Variants in PDGFA observed in about 807,000 individuals in gnomAD.
The protein encoded by PDGFA is platelet-derived growth factor subunit A.
A neutral mutation model predicts 25.6 loss-of-function variants in PDGFA; 9 were observed. The ratio of observed to expected loss-of-function variants is 0.35; its 90% confidence interval spans 0.21 to 0.61. PDGFA has a LOEUF of 0.61. PDGFA is among the 20% of genes least tolerant of loss of function. PDGFA has a pLI of 0.75. For missense variants in PDGFA, 242 were observed against 272.8 expected, an observed-to-expected ratio of 0.89 and a Z score of 0.79; for synonymous variants, 133 against 111.8, an observed-to-expected ratio of 1.19 and a Z score of -1.20.
chr7:516,321 C>A (rs1022446368), intron 2 of PDGFA, among the ~76,000 whole-genome samples: 1 of 151,732 alleles, frequency 6.6e-6, no homozygotes, highest in Admixed American at 6.6e-5. Flanking sequence ...ATAGTTCAGG[C>A]CTCTCCACCA....
At chr7:519,979 C>T, upstream of PDGFA, 1 of 324,654 alleles carries the variant, frequency 3.1e-6, no homozygotes, top group Non-Finnish European at 6.0e-6. Context: ...GCTCGGGGTT[C>T]GTGCGGACCC....
At position 500,998 on chromosome 7, in the gene PDGFA, AGC is replaced by A; in HGVS notation, c.580+116_580+117del. 6.2e-7 allele frequency: 1 copy of A among 1,604,488 alleles called. No individual in the cohort carries two copies. The highest frequency in any genetic ancestry group is 8.5e-7 in the Non-Finnish European group (1 of 1,179,178). ...GGAGCAGGGCAACGAATCCTTCAAC[AGC>A]AGCCCAGATGCTCACAGCAGTAAGC... is the stretch of plus-strand genomic sequence containing the variant. On this transcript the variant is annotated intron_variant, in intron 5 of 5. Coordinates refer to ENST00000402802, the Ensembl canonical transcript of PDGFA. This position sits in a 1 kb window ranked among gnomAD's most constrained non-coding sequence, Gnocchi z 5.0.
chr7:513,103 A>G (rs1209855083), intron 2 of PDGFA: 1 of 159,700 alleles, frequency 6.3e-6, no homozygotes, highest in African/African-American at 2.4e-5. Context: ...GCAGGAGGGC[A>G]CGTGGCCTCT....
At chr7:508,694 G>A (rs1227533407) in intron 4 of PDGFA, among the ~76,000 whole-genome samples, 1 of 151,860 alleles carries the variant, frequency 6.6e-6, no homozygotes, top group Admixed American at 6.6e-5. Flanking sequence ...GGTCCTGCAG[G>A]TCAGGTGGGA....
chr7:500,877 T>A lies in PDGFA; in HGVS notation c.580+239A>T, dbSNP rs749313581. On this transcript the variant is annotated intron_variant, in intron 5 of 5. Transcript: ENST00000402802. This position sits in a 1 kb window ranked among gnomAD's most constrained non-coding sequence, Gnocchi z 5.0. The stretch of plus-strand genomic sequence containing the variant: ...ACTCCCAGCCCCTCTCAGTGAGACC[T>A]GAATCTCCTCTCCTGCCAGTGCCGC... 23 of 1,564,598 alleles carry A rather than the reference T, an allele frequency of 1.5e-5. No individual in the cohort carries two copies. The South Asian group carries it at 2.6e-4, about 18-fold the overall frequency.
chr7:511,817 C>A (rs1389308051), intron 3 of PDGFA, among the ~76,000 whole-genome samples: 1 of 152,086 alleles, frequency 6.6e-6, no homozygotes, highest in Non-Finnish European at 1.5e-5. Flanking sequence ...TAAGAAGGGA[C>A]AAAATATCCC....
Position 500,631 on chromosome 7 carries a change from TTC to T in PDGFA, c.580+483_580+484del. On this transcript the variant is annotated intron_variant, in intron 5 of 5. Transcript: ENST00000402802. The surrounding 1 kb of genome is among the most constrained non-coding windows in gnomAD (Gnocchi z 5.0). ...GGCCAGCACCCTGGCACCGAGAAAC[TTC>T]TGAGTCCCCTCATGCTCCCAGGGCC... The T allele has an allele frequency of 6.7e-7, 1 of 1,499,132 alleles. No individual in the cohort carries two copies. The highest frequency in any genetic ancestry group is 1.3e-5 in the South Asian group (1 of 77,344). 92.9% of individuals were successfully genotyped at this position (1,499,132 alleles called of 1,614,324 possible).
At position 512,265 on chromosome 7, in the gene PDGFA, C is replaced by T. The variant is rs778536658; in HGVS notation, c.265+86G>A. On this transcript the variant is annotated intron_variant, in intron 3 of 5. Coordinates refer to ENST00000402802, the Ensembl canonical transcript of PDGFA. ...CGCTGGGAGAGCGGGCAGCTCCTCC[C>T]CACCCGGCCCTGCCCTGCCCATCGC... The T allele has an allele frequency of 1.4e-4, 178 of 1,282,782 alleles. 1 individual carries two copies. Among genetic ancestry groups the T allele is most frequent in the Admixed American group, 2.2e-4 (10 of 46,016 alleles). The allele number at this position is 1,282,782 out of a possible 1,614,324, so 79.5% of individuals were successfully genotyped here.
rs1028567332 is a variant in PDGFA, at chr7:517,364, CCG to C, written c.160+28_160+29del. ...CACAGGCCGCCCGCCCGCGCCCTCC[CCG>C]CGCGCGGAGGGAAGGGGCGCGATTT... On this transcript the variant is annotated intron_variant, in intron 2 of 5. Transcript: ENST00000402802. This position sits in a 1 kb window ranked among gnomAD's most constrained non-coding sequence, Gnocchi z 7.4. The C allele has an allele frequency of 9.3e-6, 11 of 1,185,182 alleles. No homozygotes were observed. In the Admixed American group the frequency reaches 2.5e-4, roughly 26 times the overall value. The allele number at this position is 1,185,182 out of a possible 1,614,324, so 73.4% of individuals were successfully genotyped here. A position where few individuals can be genotyped will look rare whatever the true frequency, so the allele number is the denominator to read the frequency against.
At position 508,559 on chromosome 7, in the gene PDGFA, CAAAAAAAAAAA is replaced by C. The variant is rs766165770; in HGVS notation, c.453+2239_453+2249del. ...TGGGCAACAGAGCAAGAAGCTGTCC[CAAAAAAAAAAA>C]AAAAAAAAAAAAAAAAAATTCTCAG... On this transcript the variant is annotated intron_variant, in intron 4 of 5. Transcript: ENST00000402802. Among the ~76,000 whole-genome samples the C allele has an allele frequency of 1.7e-3, 61 of 35,672 alleles. 1 individual carries two copies. The South Asian group carries it at 0.076, about 44-fold the overall frequency. 23.4% of individuals were successfully genotyped at this position (35,672 alleles called of 152,430 possible).
At chr7:518,899 A>C (rs1356282078) in intron 1 of PDGFA, 40 bp downstream of exon 1, 1 of 1,396,028 alleles carries the variant, frequency 7.2e-7, no homozygotes, top group Non-Finnish European at 9.6e-7. Flanking sequence ...TGTGCGCCGG[A>C]GGAGCCGGCG....
intron 4 of PDGFA, among the ~76,000 whole-genome samples, chr7:506,367 C>T (rs1406089700): frequency 1.3e-5 from 2 of 152,154 alleles, no homozygotes; most frequent in Admixed American, 6.5e-5. Flanking sequence ...ACCTCAAGCT[C>T]GTGTAAGAGG....
rs1266995503 is a variant in PDGFA, at chr7:517,241, C to T, written c.160+153G>A. 1.3e-5 allele frequency among the ~76,000 whole-genome samples: 2 copies of T among 151,568 alleles called. No homozygotes were observed. The highest frequency in any genetic ancestry group is 4.8e-5 in the African/African-American group (2 of 41,354). On this transcript the variant is annotated intron_variant, in intron 2 of 5. Transcript: ENST00000402802. The surrounding 1 kb of genome is among the most constrained non-coding windows in gnomAD (Gnocchi z 7.4). ...GAGAAAGTGGAGACTGGAAGAGAAA[C>T]TCCTGACTCATCCGCCCGGGCGCTT... is the stretch of plus-strand genomic sequence containing the variant.
At chr7:507,478 GC>G (rs1202299953) in intron 4 of PDGFA, among the ~76,000 whole-genome samples, 2 of 152,186 alleles carry the variant, frequency 1.3e-5, no homozygotes, top group Non-Finnish European at 2.9e-5. Context: ...ACCCCACCCA[GC>G]CTCCTCAGGG....
intron 2 of PDGFA, among the ~76,000 whole-genome samples, chr7:516,114 G>T (rs964128169): frequency 7.7e-6 from 1 of 129,402 alleles, no homozygotes; most frequent in Non-Finnish European, 1.5e-5. Flanking sequence ...CCACAAACCA[G>T]AGCCAGATCC....
At chr7:509,898 T>C (rs552614335) in intron 4 of PDGFA, among the ~76,000 whole-genome samples, 34 of 152,308 alleles carry the variant, frequency 2.2e-4, no homozygotes, top group African/African-American at 7.9e-4. Context: ...ACCCTGGGAT[T>C]CTATGGAAGG....
chr7:512,400 C>T (rs1338019444), exon 3 of PDGFA: 1 of 1,613,808 alleles, frequency 6.2e-7, no homozygotes, highest in East Asian at 2.2e-5. Context: ...CGGGCACATG[C>T]TTAGTGGCAT....
chr7:512,356 C>G, exon 3 of PDGFA: 1 of 1,612,972 alleles, frequency 6.2e-7, no homozygotes, highest in Non-Finnish European at 8.5e-7. Context: ...CTCACCGATG[C>G]TTCTCTTCCT....
exon 5 of PDGFA, chr7:501,158 C>T (rs1266496019): frequency 1.4e-5 from 23 of 1,614,120 alleles, no homozygotes; most frequent in African/African-American, 8.0e-5. Context: ...CTTGTGGTCG[C>T]GCAGGCGCAC....
Sources: gnomAD v4.1 joint callset for allele counts (sites outside exome capture counted in the v4.1 genomes callset) on GRCh38, gnomAD v4.1.1 for gene constraint, Gnocchi (gnomAD v3.1) non-coding constraint, MANE v1.5 for transcripts, NCBI Gene and HGNC (gene_info 2026-07-23, HGNC 2026-07-21) for gene names.